The following UBE2E1 variants were observed in gnomAD, a reference collection of about 807,000 sequenced individuals.
UBE2E1 encodes ubiquitin-conjugating enzyme E2 E1.
In UBE2E1, 6 loss-of-function variants were observed where a neutral mutation model predicts 21.4. The ratio of observed to expected loss-of-function variants is 0.28; its 90% CI spans 0.15 to 0.55. The LOEUF (loss-of-function observed/expected upper bound fraction) is 0.55, where lower values mean the gene tolerates loss of function less well. Ranked by LOEUF, UBE2E1 falls within the 20% of genes least tolerant of loss-of-function variation. The probability of loss-of-function intolerance (pLI) is 0.93; values close to 1 mark genes in which losing one functional copy is unlikely to be tolerated. For missense variants in UBE2E1, 142 were observed against 236.5 expected, an observed-to-expected ratio of 0.60 and a Z score of 2.62; for synonymous variants, 87 against 82.7, an observed-to-expected ratio of 1.05 and a Z score of -0.28.
In UBE2E1 at chr3:23,863,819, C is replaced by T. The variant is rs1057140002; in HGVS notation, c.204-23748C>T. The stretch of plus-strand genomic sequence containing the variant: ...TGCTGGGATTACAGGCGTGAACCAC[C>T]GCGCCCAGCCTGAATTTTATCTTTT... On this transcript the variant is annotated intron_variant, in intron 3 of 5. Transcript: ENST00000306627. This position sits in a 1 kb window ranked among gnomAD's most constrained non-coding sequence, Gnocchi z 4.3. Among the ~76,000 whole-genome samples, 6 of 152,222 alleles carry T rather than the reference C, an allele frequency of 3.9e-5. No homozygotes were observed. Among genetic ancestry groups the T allele is most frequent in the South Asian group, 2.1e-4 (1 of 4,820 alleles).
intron 5 of UBE2E1, 188 bp downstream of exon 5, chr3:23,889,447 G>A (rs968712747): frequency 1.4e-6 from 2 of 1,433,204 alleles, no homozygotes; most frequent in South Asian, 3.0e-5. Flanking sequence ...TCATTAATCA[G>A]TATATTCTAG....
At position 23,842,249 on chromosome 3, in the gene UBE2E1, G is replaced by GTGTGT. The variant is rs58491698; in HGVS notation, c.203+30739_203+30740insTGTGT. Among the ~76,000 whole-genome samples, 18 of 98,316 alleles carry GTGTGT rather than the reference G, an allele frequency of 1.8e-4. No individual in the cohort carries two copies. In the South Asian group the frequency reaches 2.6e-3, roughly 14 times the overall value. The allele number at this position is 98,316 out of a possible 152,430, so 64.5% of individuals were successfully genotyped here. On this transcript the variant is annotated intron_variant, in intron 3 of 5. Coordinates refer to ENST00000306627, the MANE Select transcript of UBE2E1 (RefSeq NM_003341.5). This position sits in a 1 kb window ranked among gnomAD's most constrained non-coding sequence, Gnocchi z 4.6. ...TGTGTGTGTGTGTGTGTGTGTGTGT[G>GTGTGT]GTGTTGTTGTTGTTGGCGACAGGGT...
In UBE2E1 at chr3:23,851,771, G is replaced by A. The variant is rs544252550; in HGVS notation, c.204-35796G>A. Among the ~76,000 whole-genome samples, 3 of 152,112 alleles carry A rather than the reference G, an allele frequency of 2.0e-5. No homozygotes were observed. In the South Asian group the frequency reaches 6.2e-4, roughly 32 times the overall value. On this transcript the variant is annotated intron_variant, in intron 3 of 5. Transcript: ENST00000306627. ...GATTGCACCACTGCACTTCAGCCTGGGTGACAGAGACCCTGTCTCTAAAAA... is the reference window on the plus strand; with the variant it reads ...GATTGCACCACTGCACTTCAGCCTGAGTGACAGAGACCCTGTCTCTAAAAA...
chr3:23,875,819 C>G (rs1237559586), intron 3 of UBE2E1, among the ~76,000 whole-genome samples: 7 of 152,248 alleles, frequency 4.6e-5, no homozygotes, highest in Admixed American at 4.6e-4. Context: ...GTCGCCCAGG[C>G]TGGAGTGCAG....
intron 3 of UBE2E1, among the ~76,000 whole-genome samples, chr3:23,847,353 A>G (rs1165563375): frequency 1.3e-5 from 2 of 152,194 alleles, no homozygotes; most frequent in African/African-American, 2.4e-5. Context: ...TTTCAAAGAA[A>G]AAAGGTGATA....
chr3:23,856,726 C>A (rs577633537), intron 3 of UBE2E1, among the ~76,000 whole-genome samples: 1 of 151,978 alleles, frequency 6.6e-6, no homozygotes, highest in African/African-American at 2.4e-5. Flanking sequence ...GAAAAGAAAG[C>A]GCTTTAGAAA....
intron 3 of UBE2E1, among the ~76,000 whole-genome samples, chr3:23,847,659 T>C (rs1037235950): frequency 1.5e-4 from 23 of 151,848 alleles, no homozygotes; most frequent in African/African-American, 4.8e-4. Flanking sequence ...CACACTCGGC[T>C]AATTTTTTCT....
At chr3:23,889,832 G>A (rs1701318174) in intron 5 of UBE2E1, 1 of 899,158 alleles carries the variant, frequency 1.1e-6, no homozygotes, top group Non-Finnish European at 1.3e-6. Context: ...CAAAGCTGCA[G>A]TGAGCCATGA....
intron 3 of UBE2E1, among the ~76,000 whole-genome samples, chr3:23,817,421 CAAAA>C (rs369690021): frequency 2.4e-5 from 1 of 42,364 alleles, no homozygotes; most frequent in Non-Finnish European, 5.0e-5. Context: ...GACTCTGTCT[CAAAA>C]AAAAAAAAAA....
chr3:23,889,497 C>T (rs1332201924), intron 5 of UBE2E1: 5 of 1,380,106 alleles, frequency 3.6e-6, no homozygotes, highest in East Asian at 2.8e-5. Context: ...GTAAGTTTGC[C>T]TTGGGCTTTT....
chr3:23,867,027 T>G (rs1700670574), intron 3 of UBE2E1, among the ~76,000 whole-genome samples: 1 of 152,116 alleles, frequency 6.6e-6, no homozygotes, highest in Non-Finnish European at 1.5e-5. Flanking sequence ...CTTTCTGACT[T>G]TGTACAAACA....
intron 3 of UBE2E1, among the ~76,000 whole-genome samples, chr3:23,852,777 T>C (rs921446731): frequency 1.3e-5 from 2 of 151,966 alleles, no homozygotes; most frequent in Non-Finnish European, 2.9e-5. Context: ...GCTAGGTTTT[T>C]GTATTTTTGT....
At chr3:23,865,312 G>C in intron 3 of UBE2E1, among the ~76,000 whole-genome samples, 1 of 152,284 alleles carries the variant, frequency 6.6e-6, no homozygotes, top group African/African-American at 2.4e-5. Flanking sequence ...ATAGGAGCTT[G>C]CTTCTTCAAG....
At chr3:23,878,966 G>T in intron 3 of UBE2E1, 1 of 425,540 alleles carries the variant, frequency 2.3e-6, no homozygotes, top group Middle Eastern at 8.9e-4. Flanking sequence ...GTGCAGAAAA[G>T]GTTGTGGACT....
chr3:23,822,623 A>C (rs766998487), intron 3 of UBE2E1, among the ~76,000 whole-genome samples: 4 of 152,218 alleles, frequency 2.6e-5, no homozygotes, highest in Non-Finnish European at 4.4e-5. Flanking sequence ...CTCTTTTTCA[A>C]GACTTGGTTT....
intron 2 of UBE2E1, chr3:23,811,145 C>T (rs2125279456): frequency 5.0e-6 from 2 of 400,106 alleles, no homozygotes; most frequent in East Asian, 4.2e-5. Context: ...CTGAGGAAAC[C>T]GGTCGGCAAG....
At position 23,889,601 on chromosome 3, in the gene UBE2E1, A is replaced by G. The variant is rs61163373; in HGVS notation, c.484+342A>G. ...ATCAGACACTTCTAAATGTCGAGTCATCTGCCTGGCAAGCCTCACCTGTGC... is the reference window on the plus strand; with the variant it reads ...ATCAGACACTTCTAAATGTCGAGTCGTCTGCCTGGCAAGCCTCACCTGTGC... On this transcript the variant is annotated intron_variant, in intron 5 of 5. Coordinates refer to ENST00000306627, the MANE Select transcript of UBE2E1 (RefSeq NM_003341.5). The G allele has an allele frequency of 3.0e-6, 3 of 985,186 alleles. No homozygotes were observed. In the African/African-American group the frequency reaches 5.2e-5, roughly 17 times the overall value. 61.0% of individuals were successfully genotyped at this position (985,186 alleles called of 1,614,324 possible).
chr3:23,807,227 C>T lies in UBE2E1; in HGVS notation c.-33-10C>T. On this transcript the variant is annotated splice_polypyrimidine_tract_variant and intron_variant, in intron 1 of 5. Transcript: ENST00000306627. The stretch of plus-strand genomic sequence containing the variant: ...TTGTGTGTTTCTGTTTTGTTTCTCT[C>T]CCCCTGCAGGGGCTGTTTGCGGGGT... The T allele has an allele frequency of 6.3e-7, 1 of 1,586,630 alleles. No homozygotes were observed. Among genetic ancestry groups the T allele is most frequent in the Non-Finnish European group, 8.6e-7 (1 of 1,168,742 alleles).
intron 3 of UBE2E1, among the ~76,000 whole-genome samples, chr3:23,817,860 T>A (rs889321955): frequency 6.6e-6 from 1 of 152,216 alleles, no homozygotes; most frequent in African/African-American, 2.4e-5. Context: ...GGCTAAGTCT[T>A]TAAATTTTAT....
Sources: gnomAD v4.1 joint callset for allele counts (sites outside exome capture counted in the v4.1 genomes callset) on GRCh38, gnomAD v4.1.1 for gene constraint, Gnocchi (gnomAD v3.1) non-coding constraint, MANE v1.5 for transcripts, NCBI Gene and HGNC (gene_info 2026-07-23, HGNC 2026-07-21) for gene names.